CDH13: variants seen among roughly 807,000 people sequenced by gnomAD.
CDH13 encodes the protein cadherin 13.
CDH13 carries 24 observed loss-of-function variants against 63.8 expected under a neutral mutation model. The ratio of observed to expected loss-of-function variants is 0.38; its 90% confidence interval spans 0.27 to 0.53. CDH13 has a LOEUF of 0.53. CDH13 is among the 20% of genes least tolerant of loss of function. The pLI is 0.85. For synonymous variants in CDH13, 503 were observed against 355.3 expected, an observed-to-expected ratio of 1.42 and a Z score of -4.67; for missense variants, 1,049 against 903.1, an observed-to-expected ratio of 1.16 and a Z score of -2.07.
chr16:83,198,850 C>T (rs1325854815), intron 4 of CDH13, among the ~76,000 whole-genome samples: 1 of 152,144 alleles, frequency 6.6e-6, no homozygotes, highest in Non-Finnish European at 1.5e-5. Flanking sequence ...TCACTGGCAA[C>T]TCTGTGGTAC....
intron 2 of CDH13, among the ~76,000 whole-genome samples, chr16:82,946,775 A>G (rs762195977): frequency 1.7e-4 from 26 of 152,128 alleles, no homozygotes; most frequent in African/African-American, 4.3e-4. Flanking sequence ...ATCTCAAGGC[A>G]ACATATCTGA....
rs11430454 is a variant in CDH13, at chr16:83,167,499, C to CAAA, written c.483+42018_483+42020dup. Among the ~76,000 whole-genome samples, 85 of 99,488 alleles carry CAAA rather than the reference C, an allele frequency of 8.5e-4. 1 individual carries two copies. Among genetic ancestry groups the CAAA allele is most frequent in the East Asian group, 3.8e-3 (12 of 3,164 alleles). The allele number at this position is 99,488 out of a possible 152,430, so 65.3% of individuals were successfully genotyped here. A position where few individuals can be genotyped will look rare whatever the true frequency, so the allele number is the denominator to read the frequency against. On this transcript the variant is annotated intron_variant, in intron 4 of 13. Transcript: ENST00000567109. ...TGAGGGACAGAGTGAGACCCTTTCC[C>CAAA]AAAAAAAAAAAAAAAAAAAAAAGCA...
intron 6 of CDH13, among the ~76,000 whole-genome samples, chr16:83,446,738 C>T (rs1224960381): frequency 1.3e-5 from 2 of 152,048 alleles, no homozygotes; most frequent in African/African-American, 2.4e-5. Flanking sequence ...TCTGCTACAA[C>T]ATGGAGAAAT....
chr16:83,160,213 G>T (rs145594237), intron 4 of CDH13, among the ~76,000 whole-genome samples: 1 of 152,090 alleles, frequency 6.6e-6, no homozygotes, highest in Admixed American at 6.5e-5. Context: ...TGTCAATGTA[G>T]GTTCAATGAC....
At position 83,523,860 on chromosome 16, in the gene CDH13, C is replaced by A. The variant is rs548100226; in HGVS notation, c.960+37205C>A. 4.6e-5 allele frequency among the ~76,000 whole-genome samples: 7 copies of A among 152,312 alleles called. No individual in the cohort carries two copies. In the East Asian group the frequency reaches 1.2e-3, roughly 25 times the overall value. ...CTCGTTATGCAGCTCCTAGAAGTAT[C>A]CATTGTTCTGGGAAAGATGAAGCAT... On this transcript the variant is annotated intron_variant, in intron 7 of 13. Coordinates refer to ENST00000567109, the MANE Select transcript of CDH13 (RefSeq NM_001257.5).
chr16:82,989,960 C>G (rs534860127), intron 2 of CDH13, among the ~76,000 whole-genome samples: 1 of 152,084 alleles, frequency 6.6e-6, no homozygotes, highest in South Asian at 2.1e-4. Flanking sequence ...TTTTTACCAG[C>G]TCCCCTCAAT....
At chr16:83,164,831 G>A (rs55927625) in intron 4 of CDH13, among the ~76,000 whole-genome samples, 32,832 of 151,008 alleles carry the variant, frequency 0.22, 4,914 homozygotes, top group African/African-American at 0.42. Context: ...CTAACAGTGT[G>A]TATATATATA....
intron 1 of CDH13, among the ~76,000 whole-genome samples, chr16:82,716,189 C>A (rs2032359996): frequency 6.6e-6 from 1 of 152,196 alleles, no homozygotes; most frequent in African/African-American, 2.4e-5. Context: ...GAAAAGACTT[C>A]CCTCTTGGGT....
At chr16:83,246,530 A>C (rs1276654835) in intron 5 of CDH13, among the ~76,000 whole-genome samples, 1 of 152,006 alleles carries the variant, frequency 6.6e-6, no homozygotes, top group Non-Finnish European at 1.5e-5. Context: ...TCCATGGTTC[A>C]TTCATCTCCA....
At chr16:83,031,741 C>T (rs1278825611) in intron 2 of CDH13, among the ~76,000 whole-genome samples, 1 of 152,150 alleles carries the variant, frequency 6.6e-6, no homozygotes, top group Non-Finnish European at 1.5e-5. Context: ...TGACTCTTCA[C>T]TCCACTGAGA....
At chr16:83,182,921 C>G (rs1476863520) in intron 4 of CDH13, among the ~76,000 whole-genome samples, 1 of 140,470 alleles carries the variant, frequency 7.1e-6, no homozygotes, top group African/African-American at 2.7e-5. Flanking sequence ...TTAGTTTTTC[C>G]TCTTGTATTA....
At chr16:82,897,955 C>T (rs2041325965) in intron 2 of CDH13, among the ~76,000 whole-genome samples, 1 of 152,210 alleles carries the variant, frequency 6.6e-6, no homozygotes, top group East Asian at 1.9e-4. Context: ...GCCTCTGATG[C>T]TTATCATCTG....
intron 2 of CDH13, among the ~76,000 whole-genome samples, chr16:83,028,130 CTG>C (rs1915985537): frequency 6.6e-6 from 1 of 152,178 alleles, no homozygotes; most frequent in Non-Finnish European, 1.5e-5. Context: ...AGGGTTAAGT[CTG>C]GAACCTCATG....
chr16:82,880,089 A>G (rs1242859240), intron 2 of CDH13, among the ~76,000 whole-genome samples: 1 of 151,076 alleles, frequency 6.6e-6, no homozygotes, highest in Non-Finnish European at 1.5e-5. Context: ...TATATATATT[A>G]TTTCAAACCT....
intron 6 of CDH13, among the ~76,000 whole-genome samples, chr16:83,396,362 A>G (rs1409631259): frequency 6.6e-6 from 1 of 152,202 alleles, no homozygotes; most frequent in Non-Finnish European, 1.5e-5. Flanking sequence ...TCAGCTATTG[A>G]GTAAGCAAAG....
chr16:82,939,920 T>A (rs562245938), intron 2 of CDH13, among the ~76,000 whole-genome samples: 1 of 152,296 alleles, frequency 6.6e-6, no homozygotes, highest in East Asian at 1.9e-4. Flanking sequence ...AAAAGAGGTT[T>A]GATGGACTCA....
At chr16:83,459,222 T>C (rs146641054) in intron 6 of CDH13, among the ~76,000 whole-genome samples, 8 of 152,360 alleles carry the variant, frequency 5.3e-5, no homozygotes, top group African/African-American at 1.9e-4. Context: ...AGAAATATTT[T>C]GTTAGCATTG....
chr16:83,074,903 T>A (rs543007660), intron 3 of CDH13, among the ~76,000 whole-genome samples: 1 of 152,360 alleles, frequency 6.6e-6, no homozygotes, highest in African/African-American at 2.4e-5. Flanking sequence ...AAAGAGACCC[T>A]GTTGGTGTCC....
chr16:83,055,820 C>G (rs1255275189), intron 3 of CDH13, among the ~76,000 whole-genome samples: 1 of 152,090 alleles, frequency 6.6e-6, no homozygotes, highest in Non-Finnish European at 1.5e-5. Flanking sequence ...AAGCCAGTCT[C>G]TCTAATGAAT....
Sources: gnomAD v4.1 joint callset for allele counts (sites outside exome capture counted in the v4.1 genomes callset) on GRCh38, gnomAD v4.1.1 for gene constraint, MANE v1.5 for transcripts, NCBI Gene and HGNC (gene_info 2026-07-23, HGNC 2026-07-21) for gene names.